Variants in DUSP22 observed in about 807,000 individuals in gnomAD.
DUSP22 encodes dual specificity protein phosphatase 22.
Under a neutral mutation model 24.5 loss-of-function variants are expected in DUSP22, and 24 were observed. The observed-to-expected ratio is 0.98, with a 90% CI of 0.71 to 1.38. DUSP22 has a LOEUF of 1.38. Ranked by LOEUF, DUSP22 falls within the 40% of genes most tolerant of loss-of-function variation. The pLI is 0.00. For missense variants in DUSP22, 330 were observed against 269.2 expected (o/e 1.23, Z -1.58); for synonymous variants, 160 against 106.4 (o/e 1.50, Z -3.10).
intron 3 of DUSP22, among the ~76,000 whole-genome samples, chr6:316,687 C>G (rs558734725): frequency 5.2e-5 from 8 of 152,414 alleles, no homozygotes; most frequent in African/African-American, 1.9e-4. Flanking sequence ...TTCGGTGTTT[C>G]ATTTTTCATT....
chr6:294,978 G>A (rs1164400237), intron 1 of DUSP22, among the ~76,000 whole-genome samples: 1 of 152,278 alleles, frequency 6.6e-6, no homozygotes, highest in Non-Finnish European at 1.5e-5. Flanking sequence ...AAATCACAAG[G>A]TTCATTAGTG....
At chr6:334,225 T>C (rs1437280464) in intron 3 of DUSP22, among the ~76,000 whole-genome samples, 4 of 152,306 alleles carry the variant, frequency 2.6e-5, no homozygotes, top group African/African-American at 9.6e-5. Context: ...TGTGACACGG[T>C]GGCAAGATTC....
intron 3 of DUSP22, among the ~76,000 whole-genome samples, chr6:319,767 C>A (rs1300020242): frequency 6.6e-6 from 1 of 152,310 alleles, no homozygotes; most frequent in Non-Finnish European, 1.5e-5. Flanking sequence ...TCCAGCACAC[C>A]TCAGTTGTTT....
chr6:316,370 A>C (rs1758335843), intron 3 of DUSP22, among the ~76,000 whole-genome samples: 1 of 152,308 alleles, frequency 6.6e-6, no homozygotes, highest in South Asian at 2.1e-4. Context: ...AAGTAAGCCC[A>C]GACCTGTTTA....
chr6:345,743 A>G (rs1257121420), intron 4 of DUSP22, 111 bp from the exon 5 acceptor site: 1 of 1,319,750 alleles, frequency 7.6e-7, no homozygotes, highest in African/African-American at 1.5e-5. Flanking sequence ...TGTGTCAATT[A>G]TACAAAAAAA....
intron 4 of DUSP22, 115 bp downstream of exon 4, chr6:335,278 C>G: frequency 7.4e-7 from 1 of 1,342,426 alleles, no homozygotes; most frequent in African/African-American, 1.4e-5. Context: ...CCCTTGCTGA[C>G]CCTGCCAGGG....
intron 1 of DUSP22, among the ~76,000 whole-genome samples, chr6:293,716 A>G (rs1470753037): frequency 6.6e-6 from 1 of 151,832 alleles, no homozygotes; most frequent in Non-Finnish European, 1.5e-5. Flanking sequence ...TGTCCTGGTT[A>G]CCCAGTTTGT....
At chr6:344,246 A>G (rs1200741007) in intron 4 of DUSP22, among the ~76,000 whole-genome samples, 1 of 152,310 alleles carries the variant, frequency 6.6e-6, no homozygotes, top group Non-Finnish European at 1.5e-5. Flanking sequence ...TTAGAAGAAG[A>G]AAGGATTAAG....
chr6:348,684 TGTG>T, intron 6 of DUSP22, 82 bp from the exon 7 acceptor site: 2 of 1,576,262 alleles, frequency 1.3e-6, no homozygotes, highest in African/African-American at 1.3e-5. Flanking sequence ...GCACCATCTC[TGTG>T]GTGAAGTCAC....
Position 335,135 on chromosome 6 carries a change from C to T in DUSP22, c.160C>T (p.Pro54Ser), listed in dbSNP as rs1452312293. The change falls in exon 4 of 7, where the codon CCA (proline) becomes TCA (serine). Residue 54 changes from proline to serine, a missense_variant. By Grantham distance (74) the Pro-to-Ser change is moderately conservative (BLOSUM62 -1). Transcript: ENST00000419235. Reference sequence around the variant, plus strand: ...GCAGGGAGTTAAATACCTGTGCATCCCAGCAGCGGATTCACCATCTCAAAA... The same window carrying T: ...GCAGGGAGTTAAATACCTGTGCATCTCAGCAGCGGATTCACCATCTCAAAA... ...MLEGVKYLCI[P>S]AADSPSQNLT... is the part of the protein sequence containing the mutation. The T allele has an allele frequency of 3.1e-6, 5 of 1,613,696 alleles. No homozygotes were observed. The highest frequency in any genetic ancestry group is 4.2e-6 in the Non-Finnish European group (5 of 1,179,668).
rs1240610196 is a variant in DUSP22, at chr6:350,199, C to T, written c.*1248C>T. On this transcript the variant is annotated 3_prime_UTR_variant, in exon 7 of 7. Transcript: ENST00000419235. ...CTTTTGAAACCAAAGGGGAAGGTAC[C>T]GATATCATTGAGCTATTTAAAGTTG... 55 of 986,842 alleles carry T rather than the reference C, an allele frequency of 5.6e-5. No homozygotes were observed. Among genetic ancestry groups the T allele is most frequent in the South Asian group, 1.9e-4 (4 of 21,354 alleles). 61.1% of individuals were successfully genotyped at this position (986,842 alleles called of 1,614,324 possible).
intron 4 of DUSP22, among the ~76,000 whole-genome samples, chr6:342,037 G>C (rs1355364143): frequency 1.3e-5 from 2 of 152,310 alleles, no homozygotes; most frequent in East Asian, 3.8e-4. Flanking sequence ...ATAAGAAGTG[G>C]TCCCCACTCC....
At chr6:312,836 T>G (rs1758170577) in intron 3 of DUSP22, among the ~76,000 whole-genome samples, 1 of 152,298 alleles carries the variant, frequency 6.6e-6, no homozygotes, top group Admixed American at 6.5e-5. Context: ...AAGCTAAAAT[T>G]GATGAGAATG....
At position 294,281 on chromosome 6, in the gene DUSP22, A is replaced by G. The variant is rs530499146; in HGVS notation, c.21+1721A>G. Among the ~76,000 whole-genome samples the G allele has an allele frequency of 2.6e-4, 40 of 152,390 alleles. No homozygotes were observed. In the South Asian group the frequency reaches 7.0e-3, roughly 27 times the overall value. On this transcript the variant is annotated intron_variant, in intron 1 of 6. Transcript: ENST00000419235. ...AATGAAGAAATACATGTATAGAGAG[A>G]TTTAGAGACTTCCCTGCTTCAACAC...
rs777172514 is a variant in DUSP22 at position 348,953 on chromosome 6, G to A, written c.*2G>A. The A allele has an allele frequency of 1.1e-4, 178 of 1,582,960 alleles. No individual in the cohort carries two copies. The highest frequency in any genetic ancestry group is 1.9e-4 in the South Asian group (17 of 88,230). On this transcript the variant is annotated 3_prime_UTR_variant, in exon 7 of 7. Coordinates refer to ENST00000419235, the MANE Select transcript of DUSP22 (RefSeq NM_001286555.3). ...GATAATTATACGACGGAGACCTAACGCAAGCGACCTGCTGCCTTCCTTCCC... is the reference window on the plus strand; with the variant it reads ...GATAATTATACGACGGAGACCTAACACAAGCGACCTGCTGCCTTCCTTCCC...
chr6:294,446 G>A (rs1301042525), intron 1 of DUSP22, among the ~76,000 whole-genome samples: 2 of 152,290 alleles, frequency 1.3e-5, no homozygotes, highest in African/African-American at 4.8e-5. Flanking sequence ...CTAATATGAT[G>A]CGAGCTATAT....
chr6:299,021 G>A (rs1757465023), intron 1 of DUSP22, among the ~76,000 whole-genome samples: 1 of 152,304 alleles, frequency 6.6e-6, no homozygotes, highest in Non-Finnish European at 1.5e-5. Context: ...CTTGTGGGAG[G>A]CCACTCAGGA....
intron 2 of DUSP22, among the ~76,000 whole-genome samples, chr6:310,873 TA>T (rs1400454132): frequency 6.6e-6 from 1 of 152,312 alleles, no homozygotes; most frequent in Non-Finnish European, 1.5e-5. Context: ...CCATCATGAT[TA>T]CAATGTTTAT....
intron 4 of DUSP22, among the ~76,000 whole-genome samples, chr6:340,231 G>C (rs1439936025): frequency 1.3e-5 from 2 of 152,312 alleles, no homozygotes; most frequent in Non-Finnish European, 2.9e-5. Context: ...AAATATCAAA[G>C]TTGGGGAATC....
Sources: allele counts gnomAD v4.1 joint callset (sites outside exome capture counted in the v4.1 genomes callset), GRCh38; gene constraint gnomAD v4.1.1; transcripts MANE v1.5; gene names NCBI Gene and HGNC (gene_info 2026-07-23, HGNC 2026-07-21).